The following ACBD6 variants were observed in gnomAD, a reference collection of about 807,000 sequenced individuals.
ACBD6 encodes the protein acyl-CoA-binding domain-containing protein 6.
ACBD6 carries 28 observed loss-of-function variants against 37.2 expected under a neutral mutation model. The observed-to-expected ratio is 0.75, with a 90% CI of 0.56 to 1.03. The LOEUF (loss-of-function observed/expected upper bound fraction) is 1.03. Among genes scored for constraint, ACBD6 ranks in the 50% least tolerant of loss-of-function variants. The pLI is 0.00. For missense variants in ACBD6, 340 were observed against 337.4 expected (o/e 1.01, Z -0.06); for synonymous variants, 113 against 126.8 (o/e 0.89, Z 0.73).
In ACBD6 at chr1:180,502,333, T is replaced by C. The variant is rs1571593170; in HGVS notation, c.-67A>G. On this transcript the variant is annotated 5_prime_UTR_variant, in exon 1 of 8. Coordinates refer to ENST00000367595, the MANE Select transcript of ACBD6 (RefSeq NM_032360.4). ...CCTTGGATTGGGTGTAAGGCCGGCT[T>C]GGAGGCCTGGCCCACCAGTCTGGGT... 6.4e-7 allele frequency: 1 copy of C among 1,551,084 alleles called. No homozygotes were observed. The highest frequency in any genetic ancestry group is 8.8e-7 in the Non-Finnish European group (1 of 1,134,492).
intron 6 of ACBD6, among the ~76,000 whole-genome samples, chr1:180,358,340 T>C (rs1173611221): frequency 5.9e-5 from 9 of 152,002 alleles, no homozygotes; most frequent in Non-Finnish European, 5.9e-5. Flanking sequence ...GGCAGGAGAA[T>C]TGCTTGAACC....
At chr1:180,304,258 G>A (rs1301973800) in intron 7 of ACBD6, among the ~76,000 whole-genome samples, 1 of 150,464 alleles carries the variant, frequency 6.6e-6, no homozygotes, top group Non-Finnish European at 1.5e-5. Flanking sequence ...TCTGGCCAGG[G>A]TAATCAGGCA....
intron 6 of ACBD6, among the ~76,000 whole-genome samples, chr1:180,385,837 G>T (rs1400235921): frequency 6.6e-6 from 1 of 152,128 alleles, no homozygotes. Flanking sequence ...TGTTACAGCG[G>T]ACCAAGTAGA....
chr1:180,386,944 C>G (rs921592758), intron 6 of ACBD6, among the ~76,000 whole-genome samples: 2 of 152,170 alleles, frequency 1.3e-5, no homozygotes, highest in African/African-American at 4.8e-5. Context: ...GTTGTGATTT[C>G]CCAGGTTCTT....
intron 6 of ACBD6, among the ~76,000 whole-genome samples, chr1:180,392,976 C>T (rs1182128495): frequency 6.6e-6 from 1 of 152,210 alleles, no homozygotes; most frequent in Non-Finnish European, 1.5e-5. Context: ...TCCTACTCCT[C>T]CTACCAATAA....
At chr1:180,365,028 T>C (rs1653004806) in intron 6 of ACBD6, among the ~76,000 whole-genome samples, 1 of 152,186 alleles carries the variant, frequency 6.6e-6, no homozygotes. Flanking sequence ...CCACCGCGCC[T>C]GGCCAATTCC....
chr1:180,282,405 A>C (rs904222790), intron 8 of ACBD6, among the ~76,000 whole-genome samples: 54 of 152,188 alleles, frequency 3.5e-4, no homozygotes, highest in African/African-American at 1.3e-3. Context: ...GTTAAAAAAA[A>C]AGAGCAAGAG....
intron 3 of ACBD6, among the ~76,000 whole-genome samples, chr1:180,474,382 C>T (rs1406554909): frequency 6.6e-6 from 1 of 151,872 alleles, no homozygotes; most frequent in Non-Finnish European, 1.5e-5. Context: ...GCACCAGCCT[C>T]CAATAAAATA....
At chr1:180,441,583 T>C (rs1029778317) in intron 3 of ACBD6, among the ~76,000 whole-genome samples, 1 of 152,234 alleles carries the variant, frequency 6.6e-6, no homozygotes, top group Admixed American at 6.5e-5. Flanking sequence ...TCTAAAATCT[T>C]TCACATCCTT....
intron 3 of ACBD6, among the ~76,000 whole-genome samples, chr1:180,461,712 G>A (rs1262714107): frequency 6.6e-6 from 1 of 152,154 alleles, no homozygotes; most frequent in Non-Finnish European, 1.5e-5. Context: ...AAAAGTAAAT[G>A]CTAAGGGACT....
intron 6 of ACBD6, among the ~76,000 whole-genome samples, chr1:180,332,849 G>A (rs992016305): frequency 6.6e-6 from 1 of 152,158 alleles, no homozygotes; most frequent in Non-Finnish European, 1.5e-5. Context: ...GGACCACTGA[G>A]TTAGATAAAT....
At chr1:180,451,988 G>A (rs576126622) in intron 3 of ACBD6, among the ~76,000 whole-genome samples, 1 of 152,268 alleles carries the variant, frequency 6.6e-6, no homozygotes, top group East Asian at 1.9e-4. Flanking sequence ...TGAACAACCT[G>A]CTCCTGAATG....
At chr1:180,330,409 C>CTTT (rs1651433391) in intron 6 of ACBD6, among the ~76,000 whole-genome samples, 1 of 151,494 alleles carries the variant, frequency 6.6e-6, no homozygotes, top group Non-Finnish European at 1.5e-5. Context: ...AACAGAGTGA[C>CTTT]ACTCTGTTTC....
rs1022231533 is a variant in ACBD6 at position 180,333,782 on chromosome 1, C to G, written c.664-19060G>C. The stretch of plus-strand genomic sequence containing the variant: ...TTTCCTAGTCAAAAGAAAGGGGTGA[C>G]AGCCGGCATCTGGAAAATCAGGTCA... On this transcript the variant is annotated intron_variant, in intron 6 of 7. Coordinates refer to ENST00000367595, the MANE Select transcript of ACBD6 (RefSeq NM_032360.4). Among the ~76,000 whole-genome samples, 3 of 152,234 alleles carry G rather than the reference C, an allele frequency of 2.0e-5. No individual in the cohort carries two copies. In the East Asian group the frequency reaches 5.8e-4, roughly 29 times the overall value.
chr1:180,286,627 G>A (rs1649508835), downstream of ACBD6, among the ~76,000 whole-genome samples: 1 of 119,580 alleles, frequency 8.4e-6, no homozygotes, highest in African/African-American at 4.3e-5. Flanking sequence ...AGCAAGGATT[G>A]TGAAAGAACA....
chr1:180,427,793 G>A (rs1025917002), intron 4 of ACBD6, among the ~76,000 whole-genome samples: 5 of 151,848 alleles, frequency 3.3e-5, no homozygotes, highest in Admixed American at 3.3e-4. Context: ...ATGGTGGTGC[G>A]CCTGTAGTTC....
intron 3 of ACBD6, among the ~76,000 whole-genome samples, chr1:180,477,575 ATTT>A (rs959355947): frequency 1.3e-5 from 2 of 151,718 alleles, no homozygotes; most frequent in African/African-American, 4.8e-5. Flanking sequence ...ATTAGAACGA[ATTT>A]TTTTTTCAGT....
intron 9 of ACBD6, chr1:180,277,961 T>C (rs1649139463): frequency 6.6e-6 from 1 of 151,836 alleles, no homozygotes. Context: ...TGCAAGGAAG[T>C]GTAAGAAATC....
chr1:180,483,882 C>T (rs1020667134), intron 3 of ACBD6, among the ~76,000 whole-genome samples: 2 of 152,140 alleles, frequency 1.3e-5, no homozygotes, highest in Non-Finnish European at 2.9e-5. Flanking sequence ...ACCCATGCAT[C>T]TTGAACAAGA....
Sources: gnomAD v4.1 joint callset for allele counts (sites outside exome capture counted in the v4.1 genomes callset) on GRCh38, gnomAD v4.1.1 for gene constraint, MANE v1.5 for transcripts, NCBI Gene and HGNC (gene_info 2026-07-23, HGNC 2026-07-21) for gene names.